The following SCRG1 variants were observed in gnomAD, a reference collection of about 807,000 sequenced individuals.
The protein encoded by SCRG1 is scrapie-responsive protein 1.
A neutral mutation model predicts 7.7 loss-of-function variants in SCRG1; 3 were observed. That is an observed-to-expected ratio of 0.39 (90% CI 0.18 to 1.01). SCRG1 has a LOEUF of 1.01. Ranked by LOEUF, SCRG1 falls within the 50% of genes least tolerant of loss-of-function variation. SCRG1 has a pLI of 0.36. For missense variants in SCRG1, 110 were observed against 117.2 expected (o/e 0.94, Z 0.28); for synonymous variants, 46 against 41.2 (o/e 1.12, Z -0.44).
chr4:173,386,948 A>C lies in SCRG1; in HGVS notation c.*1393T>G, dbSNP rs1279053000. On this transcript the variant is annotated 3_prime_UTR_variant, in exon 3 of 3. Coordinates refer to ENST00000296506, the MANE Select transcript of SCRG1 (RefSeq NM_007281.4). ...TTTATAACATGAAAGACTTTCTGACATTACCTCTGATGGCAATATGAGTCA... is the reference window on the plus strand; with the variant it reads ...TTTATAACATGAAAGACTTTCTGACCTTACCTCTGATGGCAATATGAGTCA... The C allele has an allele frequency of 6.6e-6, 1 of 152,210 alleles. No individual in the cohort carries two copies. Among genetic ancestry groups the C allele is most frequent in the African/African-American group, 2.4e-5 (1 of 41,452 alleles). 9.4% of individuals were successfully genotyped at this position (152,210 alleles called of 1,614,324 possible). A position where few individuals can be genotyped will look rare whatever the true frequency, so the allele number is the denominator to read the frequency against.
the SCRG1 span, among the ~76,000 whole-genome samples, chr4:173,423,695 C>A: frequency 6.7e-6 from 1 of 148,762 alleles, no homozygotes; most frequent in Admixed American, 6.7e-5. Flanking sequence ...TTCCTTATAG[C>A]ATTTTGTTGT....
At chr4:173,509,280 G>A in the SCRG1 span, among the ~76,000 whole-genome samples, 2 of 152,172 alleles carry the variant, frequency 1.3e-5, no homozygotes, top group Non-Finnish European at 2.9e-5. The surrounding 1 kb of genome is among the most constrained non-coding windows in gnomAD (Gnocchi z 5.7). Context: ...TCACTCGCGG[G>A]GAGGATGGGA....
chr4:173,453,905 C>G, the SCRG1 span, among the ~76,000 whole-genome samples: 1 of 151,968 alleles, frequency 6.6e-6, no homozygotes, highest in African/African-American at 2.4e-5. Flanking sequence ...GATGAAACCC[C>G]ATCTGTACTA....
At chr4:173,494,685 A>G in the SCRG1 span, among the ~76,000 whole-genome samples, 1 of 152,228 alleles carries the variant, frequency 6.6e-6, no homozygotes. Context: ...TCTTCGTTTC[A>G]GAGCCCAGGG....
At chr4:173,491,183 G>C in the SCRG1 span, among the ~76,000 whole-genome samples, 1 of 149,906 alleles carries the variant, frequency 6.7e-6, no homozygotes, top group Non-Finnish European at 1.5e-5. Flanking sequence ...ACAGAAATAA[G>C]TGAACTAATA....
At chr4:173,417,575 A>G in the SCRG1 span, among the ~76,000 whole-genome samples, 1 of 152,066 alleles carries the variant, frequency 6.6e-6, no homozygotes, top group African/African-American at 2.4e-5. Context: ...TTTCTTCTTC[A>G]TAACTAGTCT....
At chr4:173,417,175 C>CT in the SCRG1 span, among the ~76,000 whole-genome samples, 5 of 152,150 alleles carry the variant, frequency 3.3e-5, no homozygotes, top group African/African-American at 1.2e-4. Context: ...GAGCCTTTGT[C>CT]TTTTTACATT....
the SCRG1 span, among the ~76,000 whole-genome samples, chr4:173,460,552 A>G: frequency 6.6e-6 from 1 of 152,198 alleles, no homozygotes; most frequent in African/African-American, 2.4e-5. Flanking sequence ...CAGTGTTTCT[A>G]GACACACCCT....
chr4:173,434,255 C>T, the SCRG1 span, among the ~76,000 whole-genome samples: 2 of 152,134 alleles, frequency 1.3e-5, no homozygotes, highest in African/African-American at 4.8e-5. Flanking sequence ...AAAAATTTTA[C>T]AATATCCCTT....
the SCRG1 span, among the ~76,000 whole-genome samples, chr4:173,418,860 G>T: frequency 6.6e-6 from 1 of 152,072 alleles, no homozygotes; most frequent in East Asian, 1.9e-4. Flanking sequence ...TATAAGACAT[G>T]CCTGCTTCCC....
At chr4:173,515,499 T>C in the SCRG1 span, among the ~76,000 whole-genome samples, 1 of 152,212 alleles carries the variant, frequency 6.6e-6, no homozygotes, top group Non-Finnish European at 1.5e-5. This position sits in a 1 kb window ranked among gnomAD's most constrained non-coding sequence, Gnocchi z 4.6. Context: ...TCAAGTTTTA[T>C]AGACAGTCTT....
chr4:173,427,016 T>C, the SCRG1 span, among the ~76,000 whole-genome samples: 3 of 152,242 alleles, frequency 2.0e-5, no homozygotes, highest in Non-Finnish European at 4.4e-5. Context: ...TCCCCTTTTT[T>C]ACCACCCTAA....
chr4:173,452,951 G>T, the SCRG1 span, among the ~76,000 whole-genome samples: 1 of 152,220 alleles, frequency 6.6e-6, no homozygotes, highest in Non-Finnish European at 1.5e-5. Flanking sequence ...CAAGAACTGT[G>T]AAAGGTCTGA....
the SCRG1 span, among the ~76,000 whole-genome samples, chr4:173,498,956 G>A: frequency 6.6e-6 from 1 of 152,290 alleles, no homozygotes; most frequent in African/African-American, 2.4e-5. Context: ...GATTTGGTAA[G>A]ATTCATGTTT....
At chr4:173,412,577 G>T in the SCRG1 span, among the ~76,000 whole-genome samples, 2 of 152,122 alleles carry the variant, frequency 1.3e-5, no homozygotes, top group Non-Finnish European at 2.9e-5. Flanking sequence ...GTGGCCCATG[G>T]TCACCAGCCC....
the SCRG1 span, among the ~76,000 whole-genome samples, chr4:173,514,509 A>G: frequency 6.6e-6 from 1 of 152,194 alleles, no homozygotes; most frequent in African/African-American, 2.4e-5. Context: ...ACCTAGGTGT[A>G]AAAGTTCTTG....
the SCRG1 span, among the ~76,000 whole-genome samples, chr4:173,420,716 A>G: frequency 1.3e-5 from 2 of 152,172 alleles, no homozygotes; most frequent in Non-Finnish European, 2.9e-5. Flanking sequence ...AAAAAAAAAA[A>G]AAGAAAAGCA....
chr4:173,508,084 C>A, the SCRG1 span, among the ~76,000 whole-genome samples: 3 of 152,116 alleles, frequency 2.0e-5, no homozygotes, highest in Admixed American at 1.3e-4. This position sits in a 1 kb window ranked among gnomAD's most constrained non-coding sequence, Gnocchi z 4.4. Context: ...GCTGGCAGTG[C>A]CTGGGAAAAG....
chr4:173,485,036 T>TTATATAATATATAATATATAATATAA, the SCRG1 span, among the ~76,000 whole-genome samples: 7 of 10,938 alleles, frequency 6.4e-4, no homozygotes, highest in Non-Finnish European at 1.0e-3. Context: ...ATATTATATA[T>TTATATAATATATAATATATAATATAA]TATATATTAT....
Sources: allele counts gnomAD v4.1 joint callset (sites outside exome capture counted in the v4.1 genomes callset), GRCh38; gene constraint gnomAD v4.1.1; non-coding constraint Gnocchi (gnomAD v3.1); transcripts MANE v1.5; gene names NCBI Gene and HGNC (gene_info 2026-07-23, HGNC 2026-07-21).